The following RUFY3 variants were observed in gnomAD, a reference collection of about 807,000 sequenced individuals.
RUFY3 encodes the protein RUN and FYVE domain containing 3.
In RUFY3, 34 loss-of-function variants were observed where a neutral mutation model predicts 84.0. That is an observed-to-expected ratio of 0.40 (90% confidence interval 0.31 to 0.54). The LOEUF is 0.54. Ranked by LOEUF, RUFY3 falls within the 20% of genes least tolerant of loss-of-function variation. The pLI, the probability that RUFY3 is intolerant of heterozygous loss-of-function variation, is 0.39. For synonymous variants in RUFY3, 242 were observed against 252.9 expected (o/e 0.96, Z 0.41); for missense variants, 507 against 736.8 (o/e 0.69, Z 3.61).
chr4:70,762,442 A>G, intron 1 of RUFY3, 77 bp from the exon 2 acceptor site: 1 of 1,318,796 alleles, frequency 7.6e-7, no homozygotes. Context: ...ATGGTGGAGA[A>G]GAATACAACT....
chr4:70,771,891 T>C (rs72654401), intron 5 of RUFY3, among the ~76,000 whole-genome samples: 7,657 of 152,170 alleles, frequency 0.05, 264 homozygotes, highest in Middle Eastern at 0.12. Flanking sequence ...GAAAATATTA[T>C]AGGAAAATTA....
chr4:70,783,624 A>T (rs1729299517), intron 9 of RUFY3, among the ~76,000 whole-genome samples: 1 of 152,224 alleles, frequency 6.6e-6, no homozygotes, highest in Admixed American at 6.5e-5. Flanking sequence ...TACATGTCTA[A>T]TTAGAATTTT....
upstream of RUFY3, among the ~76,000 whole-genome samples, chr4:70,720,476 G>A (rs1253502125): frequency 1.3e-5 from 2 of 152,144 alleles, no homozygotes; most frequent in Non-Finnish European, 2.9e-5. Flanking sequence ...GAGCCACCGC[G>A]CCCAGCCATC....
At position 70,722,268 on chromosome 4, in the gene RUFY3, G is replaced by A. The variant is rs547868651; in HGVS notation, c.-306G>A. 12 of 1,231,894 alleles carry A rather than the reference G, an allele frequency of 9.7e-6. No homozygotes were observed. The highest frequency in any genetic ancestry group is 3.1e-4 in the Middle Eastern group (1 of 3,206). The allele number at this position is 1,231,894 out of a possible 1,614,324, so 76.3% of individuals were successfully genotyped here. A position where few individuals can be genotyped will look rare whatever the true frequency, so the allele number is the denominator to read the frequency against. On this transcript the variant is annotated 5_prime_UTR_variant, in exon 1 of 18. Transcript: ENST00000381006. ...CTATAGCTCAGCTGAAAAAAAAGGT[G>A]GGGGGCAGGGAAGGGAAGATAAAAG...
In RUFY3 at chr4:70,710,956, T is replaced by C. The variant is rs559417777; in HGVS notation, c.358+5662T>C. ...AGTGCACGCCTGTAATCCCAGCTAC[T>C]GGGGAAGCTGAGGCAGGAGAACCGC... On this transcript the variant is annotated intron_variant, in intron 1 of 11. Transcript: ENST00000417478. Among the ~76,000 whole-genome samples, 93 of 147,698 alleles carry C rather than the reference T, an allele frequency of 6.3e-4. 1 individual carries two copies. The highest frequency in any genetic ancestry group is 2.3e-3 in the African/African-American group (92 of 39,974).
intron 12 of RUFY3, chr4:70,792,373 T>TTTA (rs1730961484): frequency 1.0e-6 from 1 of 959,334 alleles, no homozygotes; most frequent in African/African-American, 1.8e-5. Context: ...ACTTATATTC[T>TTTA]TTATTATTAT....
intron 1 of RUFY3, among the ~76,000 whole-genome samples, chr4:70,709,291 G>A (rs773892448): frequency 6.6e-6 from 1 of 152,096 alleles, no homozygotes; most frequent in Non-Finnish European, 1.5e-5. Flanking sequence ...AAAACTCTCT[G>A]CCATGCCTTT....
rs549917135 is a variant in RUFY3, at chr4:70,758,124, T to C, written c.179-4395T>C. 1.6e-4 allele frequency among the ~76,000 whole-genome samples: 24 copies of C among 152,314 alleles called. No homozygotes were observed. In the South Asian group the frequency reaches 5.0e-3, roughly 32 times the overall value. On this transcript the variant is annotated intron_variant, in intron 1 of 17. Transcript: ENST00000381006. The stretch of plus-strand genomic sequence containing the variant: ...GTACAATGTTACACACACAACATGC[T>C]TGCATAATAAACACCCATACCAACA...
chr4:70,803,285 A>G, intron 16 of RUFY3: 2 of 298,184 alleles, frequency 6.7e-6, no homozygotes, highest in Non-Finnish European at 1.2e-5. Context: ...GGAGAGAAAA[A>G]AGATGTTTTG....
At chr4:70,713,822 C>T (rs1183086177) in intron 1 of RUFY3, among the ~76,000 whole-genome samples, 1 of 152,138 alleles carries the variant, frequency 6.6e-6, no homozygotes, top group Non-Finnish European at 1.5e-5. Flanking sequence ...ATCTCTCTTC[C>T]TTCCTCAAAA....
chr4:70,746,259 G>T (rs540496501), intron 1 of RUFY3, among the ~76,000 whole-genome samples: 4 of 151,754 alleles, frequency 2.6e-5, no homozygotes, highest in Non-Finnish European at 5.9e-5. Context: ...CACGAGAATC[G>T]CTTGAGCCCG....
chr4:70,750,169 G>A (rs903454033), intron 1 of RUFY3, among the ~76,000 whole-genome samples: 3 of 152,028 alleles, frequency 2.0e-5, no homozygotes, highest in African/African-American at 7.2e-5. Flanking sequence ...GTACCACCAA[G>A]TCCAGCTTAA....
At position 70,807,614 on chromosome 4, in the gene RUFY3, G is replaced by T. The variant is rs776654835; in HGVS notation, c.*955G>T. 6.6e-6 allele frequency among the ~76,000 whole-genome samples: 1 copy of T among 151,688 alleles called. No homozygotes were observed. Among genetic ancestry groups the T allele is most frequent in the Non-Finnish European group, 1.5e-5 (1 of 67,984 alleles). ...CAGCTCACTGAATCCCTGTTCTCCC[G>T]GGCCTCAAGCAATCTTCCCACCTTA... On this transcript the variant is annotated 3_prime_UTR_variant, in exon 18 of 18. Coordinates refer to ENST00000381006, the MANE Select transcript of RUFY3 (RefSeq NM_001037442.4).
rs1733007460 is a variant in RUFY3, at chr4:70,808,017, T to C, written c.*1358T>C. Among the ~76,000 whole-genome samples, 1 of 152,170 alleles carries C rather than the reference T, an allele frequency of 6.6e-6. No individual in the cohort carries two copies. Among genetic ancestry groups the C allele is most frequent in the African/African-American group, 2.4e-5 (1 of 41,448 alleles). On this transcript the variant is annotated 3_prime_UTR_variant, in exon 18 of 18. Coordinates refer to ENST00000381006, the MANE Select transcript of RUFY3 (RefSeq NM_001037442.4). ...GGTGCTCAAGTCCCATTATAGAGAA[T>C]GGGTTATATGGTATTTGCATATAAC...
At chr4:70,753,464 A>G (rs1723462773) in intron 1 of RUFY3, among the ~76,000 whole-genome samples, 1 of 152,196 alleles carries the variant, frequency 6.6e-6, no homozygotes. Flanking sequence ...GCCCTTGATG[A>G]AGCCAACTGT....
chr4:70,705,485 C>T (rs872949), intron 1 of RUFY3, among the ~76,000 whole-genome samples: 13,433 of 152,160 alleles, frequency 0.088, 1,406 homozygotes, highest in African/African-American at 0.23. Flanking sequence ...AGCGGGACGA[C>T]CGCGGTTCGG....
intron 2 of RUFY3, among the ~76,000 whole-genome samples, chr4:70,763,312 A>G (rs890473184): frequency 6.6e-6 from 1 of 152,080 alleles, no homozygotes; most frequent in African/African-American, 2.4e-5. Flanking sequence ...AAAATGTTTT[A>G]TTATATTATA....
chr4:70,789,021 G>C (rs1244985331), intron 11 of RUFY3, 48 bp downstream of exon 11: 3 of 1,588,532 alleles, frequency 1.9e-6, no homozygotes, highest in Non-Finnish European at 2.6e-6. Flanking sequence ...AAAATCCTGG[G>C]GCTTCCCTCC....
chr4:70,794,010 G>A (rs931950307), intron 13 of RUFY3, 106 bp downstream of exon 13: 19 of 1,226,398 alleles, frequency 1.5e-5, no homozygotes, highest in Admixed American at 5.3e-5. Context: ...CTCTGTCTTT[G>A]CAATGTCCTT....
Sources: gnomAD v4.1 joint callset for allele counts (sites outside exome capture counted in the v4.1 genomes callset) on GRCh38, gnomAD v4.1.1 for gene constraint, MANE v1.5 for transcripts, NCBI Gene and HGNC (gene_info 2026-07-23, HGNC 2026-07-21) for gene names.